Variants in JPH1 observed in about 807,000 individuals in gnomAD.
JPH1 encodes the protein junctophilin-1.
JPH1 carries 12 observed loss-of-function variants against 53.6 expected under a neutral mutation model. The observed-to-expected ratio is 0.22, with a 90% CI of 0.14 to 0.36. The LOEUF (loss-of-function observed/expected upper bound fraction) is 0.36. JPH1 is among the 10% of genes least tolerant of loss of function. The pLI, the probability that JPH1 is intolerant of heterozygous loss-of-function variation, is 1.00. For synonymous variants in JPH1, 375 were observed against 363.8 expected (o/e 1.03, Z -0.35); for missense variants, 808 against 905.5 (o/e 0.89, Z 1.38).
chr8:74,302,959 GA>G (rs34040034), intron 2 of JPH1, among the ~76,000 whole-genome samples: 38,427 of 136,430 alleles, frequency 0.28, 4,916 homozygotes, highest in Middle Eastern at 0.32. Flanking sequence ...GCCAAGAAAA[GA>G]AAAAAAAAAA....
intron 3 of JPH1, among the ~76,000 whole-genome samples, chr8:74,253,593 T>C (rs1586737170): frequency 6.6e-6 from 1 of 152,026 alleles, no homozygotes; most frequent in Non-Finnish European, 1.5e-5. Flanking sequence ...AAAAAATTAA[T>C]GAATCCAGGA....
intron 2 of JPH1, among the ~76,000 whole-genome samples, chr8:74,309,759 C>T (rs943143480): frequency 1.3e-5 from 2 of 152,172 alleles, no homozygotes; most frequent in Non-Finnish European, 2.9e-5. Flanking sequence ...AACTGAATGC[C>T]TAAGAAATAG....
At chr8:74,295,253 C>T (rs1302173966) in intron 2 of JPH1, among the ~76,000 whole-genome samples, 1 of 152,058 alleles carries the variant, frequency 6.6e-6, no homozygotes, top group Non-Finnish European at 1.5e-5. Flanking sequence ...CTCTGCTGGG[C>T]TCATGTATAC....
At chr8:74,238,859 T>C (rs1389292761) in intron 4 of JPH1, among the ~76,000 whole-genome samples, 1 of 152,192 alleles carries the variant, frequency 6.6e-6, no homozygotes, top group Non-Finnish European at 1.5e-5. Context: ...GGTCTCACTA[T>C]GTTGCCCAGG....
chr8:74,302,983 A>G (rs1807728713), intron 2 of JPH1, among the ~76,000 whole-genome samples: 1 of 151,738 alleles, frequency 6.6e-6, no homozygotes, highest in South Asian at 2.1e-4. Flanking sequence ...AAAACAGTCC[A>G]ACAGAGCTTG....
intron 4 of JPH1, 82 bp downstream of exon 4, chr8:74,244,447 C>T (rs1805787384): frequency 7.0e-7 from 1 of 1,429,148 alleles, no homozygotes; most frequent in South Asian, 1.4e-5. Context: ...TGGCTGTGAT[C>T]AAGATGCACA....
intron 3 of JPH1, among the ~76,000 whole-genome samples, chr8:74,250,928 A>C (rs992952889): frequency 1.3e-5 from 2 of 152,220 alleles, no homozygotes; most frequent in African/African-American, 4.8e-5. Context: ...TGATACTACC[A>C]GTACATGCTC....
intron 2 of JPH1, among the ~76,000 whole-genome samples, chr8:74,309,685 G>A (rs1682364965): frequency 6.6e-6 from 1 of 152,222 alleles, no homozygotes; most frequent in Admixed American, 6.5e-5. Context: ...GACGAAATGA[G>A]AAATATAGTT....
intron 4 of JPH1, among the ~76,000 whole-genome samples, chr8:74,242,648 C>CTGTTACTATTGGGAAGACAATGT (rs796940003): frequency 3.3e-5 from 5 of 152,344 alleles, no homozygotes; most frequent in African/African-American, 1.2e-4. Flanking sequence ...CGGCAGCGTT[C>CTGTTACTATTGGGAAGACAATGT]TGTTACTATT....
intron 2 of JPH1, among the ~76,000 whole-genome samples, chr8:74,277,543 C>T (rs1474085120): frequency 6.6e-6 from 1 of 152,182 alleles, no homozygotes; most frequent in African/African-American, 2.4e-5. Flanking sequence ...TTTGTCCAAT[C>T]CATTTCTATG....
rs564870362 is a variant in JPH1, at chr8:74,259,612, G to A, written c.1140-109C>T. 1.6e-5 allele frequency: 14 copies of A among 863,246 alleles called. No homozygotes were observed. In the South Asian group the frequency reaches 1.8e-4, roughly 11 times the overall value. The allele number at this position is 863,246 out of a possible 1,614,324, so 53.5% of individuals were successfully genotyped here. A position where few individuals can be genotyped will look rare whatever the true frequency, so the allele number is the denominator to read the frequency against. ...GAAATGTTAATTATGATTATGGCCC[G>A]ACACCCACAAGAGCAAAAATTTTAG... On this transcript the variant is annotated intron_variant, in intron 2 of 5. Transcript: ENST00000342232.
intron 2 of JPH1, among the ~76,000 whole-genome samples, chr8:74,284,769 AT>A (rs200157164): frequency 0.04 from 4,865 of 120,754 alleles, 203 homozygotes; most frequent in African/African-American, 0.12. Context: ...GCTAAGCTGC[AT>A]TTTTTTTTTT....
chr8:74,249,770 T>A (rs930592310), intron 3 of JPH1, among the ~76,000 whole-genome samples: 2 of 152,246 alleles, frequency 1.3e-5, no homozygotes, highest in South Asian at 4.1e-4. Flanking sequence ...GCCTAGACTA[T>A]TATGTAATGG....
At chr8:74,237,172 A>G (rs762655789) in intron 5 of JPH1, 36 bp downstream of exon 5, 32 of 1,306,850 alleles carry the variant, frequency 2.4e-5, no homozygotes, top group Admixed American at 1.6e-4. Context: ...AATGTTATTT[A>G]CTATGATTTT....
chr8:74,298,219 T>A (rs556735511), intron 2 of JPH1, among the ~76,000 whole-genome samples: 4 of 152,244 alleles, frequency 2.6e-5, no homozygotes, highest in African/African-American at 7.2e-5. Flanking sequence ...AGATTCACTA[T>A]CTTTCTCCCC....
intron 2 of JPH1, among the ~76,000 whole-genome samples, chr8:74,275,647 C>T (rs1806824738): frequency 1.3e-5 from 2 of 152,170 alleles, no homozygotes; most frequent in African/African-American, 2.4e-5. Context: ...CTGCACTTGG[C>T]AAGAGGTTGT....
At chr8:74,276,698 C>G (rs1415178814) in intron 2 of JPH1, among the ~76,000 whole-genome samples, 2 of 152,212 alleles carry the variant, frequency 1.3e-5, no homozygotes, top group African/African-American at 4.8e-5. Flanking sequence ...GTAAGAACTG[C>G]ACATGCACAC....
intron 2 of JPH1, among the ~76,000 whole-genome samples, chr8:74,281,566 A>T (rs58728913): frequency 0.019 from 2,882 of 152,324 alleles, 95 homozygotes; most frequent in African/African-American, 0.066. Context: ...AATGTTTGAT[A>T]TGAACATTTC....
intron 2 of JPH1, among the ~76,000 whole-genome samples, chr8:74,308,037 T>C (rs1807888851): frequency 6.6e-6 from 1 of 152,228 alleles, no homozygotes; most frequent in African/African-American, 2.4e-5. Context: ...CCCAGCCAAC[T>C]TTATGTGTTA....
Sources: gnomAD v4.1 joint callset for allele counts (sites outside exome capture counted in the v4.1 genomes callset) on GRCh38, gnomAD v4.1.1 for gene constraint, MANE v1.5 for transcripts, NCBI Gene and HGNC (gene_info 2026-07-23, HGNC 2026-07-21) for gene names.